Variants in CDH12 observed in about 807,000 individuals in gnomAD.
CDH12 encodes cadherin 12, also known as cadherin-12.
In CDH12, 41 loss-of-function variants were observed where a neutral mutation model predicts 74.1. The observed-to-expected ratio is 0.55, with a 90% CI of 0.43 to 0.72. CDH12 has a LOEUF of 0.72. CDH12 is among the 30% of genes least tolerant of loss of function. The pLI, the probability that CDH12 is intolerant of heterozygous loss-of-function variation, is 0.00. For missense variants in CDH12, 945 were observed against 977.2 expected, an observed-to-expected ratio of 0.97 and a Z score of 0.44; for synonymous variants, 399 against 355.0, an observed-to-expected ratio of 1.12 and a Z score of -1.39.
At chr5:22,574,037 A>G in intron 1 of CDH12, among the ~76,000 whole-genome samples, 1 of 144,970 alleles carries the variant, frequency 6.9e-6, no homozygotes, top group South Asian at 2.2e-4. Context: ...CTTTACCTTA[A>G]GTCTTTTTCA....
chr5:21,893,237 C>T (rs1053103431), intron 6 of CDH12, among the ~76,000 whole-genome samples: 3 of 151,326 alleles, frequency 2.0e-5, no homozygotes, highest in Non-Finnish European at 4.4e-5. Flanking sequence ...TGCGTGTTTG[C>T]AGCAACTATT....
At chr5:22,747,406 T>C (rs1165968135) in intron 1 of CDH12, among the ~76,000 whole-genome samples, 1 of 150,938 alleles carries the variant, frequency 6.6e-6, no homozygotes, top group Non-Finnish European at 1.5e-5. Flanking sequence ...GGCAGATTGC[T>C]TCAGTTAAGG....
chr5:22,542,291 G>A lies in CDH12; in HGVS notation c.-522-36927C>T, dbSNP rs1399212673. On this transcript the variant is annotated intron_variant, in intron 1 of 14. Coordinates refer to ENST00000382254, the MANE Select transcript of CDH12 (RefSeq NM_004061.5). ...CTTTTAAAAGCAATTTTAAAAAATTGGTCAGTAATTATACAACCTGTCCCT... is the reference window on the plus strand; with the variant it reads ...CTTTTAAAAGCAATTTTAAAAAATTAGTCAGTAATTATACAACCTGTCCCT... Among the ~76,000 whole-genome samples the A allele has an allele frequency of 2.6e-5, 4 of 152,168 alleles. No individual in the cohort carries two copies. The East Asian group carries it at 7.7e-4, about 29-fold the overall frequency.
At chr5:22,458,027 G>C (rs1745354608) in intron 2 of CDH12, among the ~76,000 whole-genome samples, 1 of 152,190 alleles carries the variant, frequency 6.6e-6, no homozygotes, top group Middle Eastern at 3.4e-3. Flanking sequence ...ACAGGCATCA[G>C]CCACCGTGCC....
intron 1 of CDH12, among the ~76,000 whole-genome samples, chr5:22,619,773 C>T (rs557834948): frequency 6.6e-6 from 1 of 151,832 alleles, no homozygotes; most frequent in South Asian, 2.1e-4. Context: ...CTATGCTTCC[C>T]CCAGCGAATG....
intron 10 of CDH12, among the ~76,000 whole-genome samples, chr5:21,788,179 T>C (rs1456592773): frequency 1.3e-5 from 2 of 152,096 alleles, no homozygotes; most frequent in Non-Finnish European, 2.9e-5. Context: ...GAAAGAGAGA[T>C]AGTAGAGAAG....
chr5:22,730,532 A>C (rs1744380627), intron 1 of CDH12, among the ~76,000 whole-genome samples: 1 of 151,866 alleles, frequency 6.6e-6, no homozygotes, highest in African/African-American at 2.4e-5. Flanking sequence ...TTTGAATTCA[A>C]GTTAAAATAT....
intron 1 of CDH12, among the ~76,000 whole-genome samples, chr5:22,841,181 C>T (rs188430424): frequency 1.1e-4 from 16 of 152,188 alleles, no homozygotes; most frequent in South Asian, 2.1e-4. Flanking sequence ...ATTACTACTA[C>T]GGGAGTCATG....
At chr5:21,765,985 T>A (rs1401607324) in intron 11 of CDH12, among the ~76,000 whole-genome samples, 2 of 152,024 alleles carry the variant, frequency 1.3e-5, no homozygotes, top group African/African-American at 4.8e-5. Context: ...ATGGGGAGTT[T>A]AGATCCAAAC....
At chr5:22,566,241 C>CTTTCTT (rs1226452372) in intron 1 of CDH12, among the ~76,000 whole-genome samples, 2 of 141,990 alleles carry the variant, frequency 1.4e-5, no homozygotes, top group African/African-American at 5.2e-5. Flanking sequence ...TTTTTTCTTT[C>CTTTCTT]TTTTTTTTTT....
chr5:21,881,609 G>A (rs1376266955), intron 6 of CDH12, among the ~76,000 whole-genome samples: 1 of 151,782 alleles, frequency 6.6e-6, no homozygotes, highest in African/African-American at 2.4e-5. Flanking sequence ...TTTTAAATTT[G>A]GAATTGAACT....
intron 5 of CDH12, among the ~76,000 whole-genome samples, chr5:22,027,766 C>G (rs1200604608): frequency 6.6e-6 from 1 of 152,070 alleles, no homozygotes; most frequent in Admixed American, 6.6e-5. Context: ...AAAAAACCAG[C>G]TCCTGGATTC....
chr5:21,787,491 G>A (rs963010128), intron 10 of CDH12, among the ~76,000 whole-genome samples: 2 of 152,100 alleles, frequency 1.3e-5, no homozygotes, highest in Admixed American at 1.3e-4. Context: ...ACACTGACTC[G>A]ACTATGGTAT....
At chr5:22,840,412 T>C (rs865854614) in intron 1 of CDH12, among the ~76,000 whole-genome samples, 1 of 152,088 alleles carries the variant, frequency 6.6e-6, no homozygotes, top group African/African-American at 2.4e-5. Context: ...ATGAAACGAA[T>C]GCATGCATAC....
chr5:22,751,043 T>C (rs543887859), intron 1 of CDH12, among the ~76,000 whole-genome samples: 4 of 151,954 alleles, frequency 2.6e-5, no homozygotes, highest in African/African-American at 9.6e-5. Context: ...GGAAAATGAA[T>C]GACTTACTGA....
At chr5:22,808,605 CTTT>C (rs34567315) in intron 1 of CDH12, among the ~76,000 whole-genome samples, 1 of 111,478 alleles carries the variant, frequency 9.0e-6, no homozygotes. Context: ...CTTTTCTTGT[CTTT>C]TTTTTTTTTT....
intron 6 of CDH12, among the ~76,000 whole-genome samples, chr5:21,968,153 G>A (rs2150116237): frequency 6.6e-6 from 1 of 152,274 alleles, no homozygotes; most frequent in South Asian, 2.1e-4. Flanking sequence ...TAATAAGCTG[G>A]AACCTTTACC....
chr5:22,466,849 C>T (rs1168761237), intron 2 of CDH12, among the ~76,000 whole-genome samples: 1 of 118,208 alleles, frequency 8.5e-6, no homozygotes, highest in East Asian at 2.9e-4. Context: ...AGTGCAATGG[C>T]GCAGTCTCGG....
intron 1 of CDH12, among the ~76,000 whole-genome samples, chr5:22,771,258 C>T (rs993905326): frequency 1.4e-4 from 21 of 151,984 alleles, no homozygotes; most frequent in East Asian, 9.6e-4. Flanking sequence ...CAAATGTTTC[C>T]TAGGTTTTTA....
Sources: allele counts gnomAD v4.1 joint callset (sites outside exome capture counted in the v4.1 genomes callset), GRCh38; gene constraint gnomAD v4.1.1; transcripts MANE v1.5; gene names NCBI Gene and HGNC (gene_info 2026-07-23, HGNC 2026-07-21).